HDAC9: variants seen among roughly 807,000 people sequenced by gnomAD.
HDAC9 encodes histone deacetylase 9, also known as MEF-2 interacting transcription repressor (MITR) protein.
In HDAC9, 41 loss-of-function variants were observed where a neutral mutation model predicts 139.4. The ratio of observed to expected loss-of-function variants is 0.29; its 90% CI spans 0.23 to 0.38. The LOEUF is 0.38. HDAC9 is among the 10% of genes least tolerant of loss of function. The pLI is 1.00. For synonymous variants in HDAC9, 517 were observed against 476.2 expected (o/e 1.09, Z -1.12); for missense variants, 1,147 against 1,297.0 (o/e 0.88, Z 1.78).
At chr7:18,440,615 C>G (rs1248470885) in intron 1 of HDAC9, among the ~76,000 whole-genome samples, 1 of 151,984 alleles carries the variant, frequency 6.6e-6, no homozygotes, top group Non-Finnish European at 1.5e-5. Flanking sequence ...TTCTTGTTTC[C>G]CTTTTCTATT....
chr7:18,335,581 A>G (rs1781524964), intron 1 of HDAC9, among the ~76,000 whole-genome samples: 1 of 151,698 alleles, frequency 6.6e-6, no homozygotes, highest in East Asian at 1.9e-4. Context: ...GAATTAGATA[A>G]CTTTAATTTT....
chr7:18,801,545 T>G (rs1793287658), intron 17 of HDAC9, among the ~76,000 whole-genome samples: 1 of 152,114 alleles, frequency 6.6e-6, no homozygotes, highest in South Asian at 2.1e-4. Context: ...GAAATTGGTC[T>G]GTAATTCTTA....
At chr7:18,269,462 C>G (rs557047164) in intron 2 of HDAC9, among the ~76,000 whole-genome samples, 1 of 152,166 alleles carries the variant, frequency 6.6e-6, no homozygotes, top group Non-Finnish European at 1.5e-5. Context: ...AGGAACTACA[C>G]TGAATTGGGC....
intron 24 of HDAC9, among the ~76,000 whole-genome samples, chr7:18,958,054 T>G (rs1027017666): frequency 2.0e-5 from 3 of 152,034 alleles, no homozygotes; most frequent in African/African-American, 7.2e-5. Flanking sequence ...GTGCTGGAGG[T>G]GCGTTGGCTC....
At chr7:18,732,647 GTA>G (rs148206017) in intron 13 of HDAC9, among the ~76,000 whole-genome samples, 47 of 81,912 alleles carry the variant, frequency 5.7e-4, no homozygotes, top group Non-Finnish European at 9.1e-4. Flanking sequence ...GTGCATATGT[GTA>G]TATATACACA....
At chr7:18,666,179 A>C (rs776176928) in intron 11 of HDAC9, 34 bp from the exon 12 acceptor site, 1 of 1,556,486 alleles carries the variant, frequency 6.4e-7, no homozygotes, top group African/African-American at 1.4e-5. Context: ...ATGAAGAACT[A>C]CTGAATTTTG....
intron 2 of HDAC9, among the ~76,000 whole-genome samples, chr7:18,175,099 T>C (rs1182746): frequency 0.43 from 66,013 of 152,076 alleles, 16,585 homozygotes; most frequent in African/African-American, 0.7. Flanking sequence ...TGCTGAGCTG[T>C]GGTGGGCTCC....
At chr7:18,776,351 T>C (rs1790767927) in intron 16 of HDAC9, among the ~76,000 whole-genome samples, 2 of 152,088 alleles carry the variant, frequency 1.3e-5, no homozygotes, top group East Asian at 1.9e-4. Flanking sequence ...GTGCAGACTA[T>C]TCTCTGTGCT....
rs1054368163 is a variant in HDAC9 at position 18,713,468 on chromosome 7, C to T, written c.1732-14112C>T. Reference sequence around the variant, plus strand: ...TGTTAATTAGATTGATTTAGCTATTCCGCAATGTATACACAGATCAAACAT... The same window carrying T: ...TGTTAATTAGATTGATTTAGCTATTTCGCAATGTATACACAGATCAAACAT... On this transcript the variant is annotated intron_variant, in intron 12 of 25. Coordinates refer to ENST00000686413, the MANE Select transcript of HDAC9 (RefSeq NM_178425.4). 4.6e-5 allele frequency among the ~76,000 whole-genome samples: 7 copies of T among 152,026 alleles called. 1 individual carries two copies. The highest frequency in any genetic ancestry group is 5.9e-5 in the Non-Finnish European group (4 of 67,974).
At chr7:18,964,737 G>A (rs189834087) in intron 24 of HDAC9, among the ~76,000 whole-genome samples, 2 of 152,298 alleles carry the variant, frequency 1.3e-5, no homozygotes, top group African/African-American at 4.8e-5. Flanking sequence ...AGGAGGAACT[G>A]TCAGAGACAT....
chr7:18,320,279 T>C (rs1799937029), intron 1 of HDAC9, among the ~76,000 whole-genome samples: 2 of 152,220 alleles, frequency 1.3e-5, no homozygotes, highest in African/African-American at 2.4e-5. Context: ...TACTCTGTGG[T>C]TGATTTCTCA....
chr7:18,755,719 G>A (rs1562916833), intron 14 of HDAC9, among the ~76,000 whole-genome samples: 1 of 152,020 alleles, frequency 6.6e-6, no homozygotes, highest in Non-Finnish European at 1.5e-5. Flanking sequence ...AAAAAATAGA[G>A]AGTATATATG....
intron 24 of HDAC9, among the ~76,000 whole-genome samples, chr7:18,967,277 A>T (rs1490377017): frequency 2.6e-5 from 4 of 152,246 alleles, no homozygotes; most frequent in African/African-American, 9.6e-5. Flanking sequence ...AATGACTACG[A>T]TTAAAAATTT....
intron 1 of HDAC9, among the ~76,000 whole-genome samples, chr7:18,135,919 A>G (rs1785378685): frequency 8.2e-6 from 1 of 121,502 alleles, no homozygotes; most frequent in Non-Finnish European, 1.6e-5. Flanking sequence ...AGTCCCACCA[A>G]CAGTGTAAAA....
intron 1 of HDAC9, among the ~76,000 whole-genome samples, chr7:18,386,491 C>G (rs549588313): frequency 6.6e-6 from 1 of 152,246 alleles, no homozygotes; most frequent in East Asian, 1.9e-4. Context: ...ATGCATGTTA[C>G]TTAATACCTT....
At chr7:18,681,791 C>T (rs1781907637) in intron 12 of HDAC9, among the ~76,000 whole-genome samples, 1 of 152,034 alleles carries the variant, frequency 6.6e-6, no homozygotes, top group Non-Finnish European at 1.5e-5. Flanking sequence ...ATATGAGCTA[C>T]TGTCCCAGGT....
Position 18,590,499 on chromosome 7 carries a change from A to G in HDAC9, c.415+13A>G, listed in dbSNP as rs571829263. Reference sequence around the variant, plus strand: ...AGAGGACGAGAAAGTAAGAGGCACCAGGGTAAACGATGGACTCTCTTTCCT... The same window carrying G: ...AGAGGACGAGAAAGTAAGAGGCACCGGGGTAAACGATGGACTCTCTTTCCT... On this transcript the variant is annotated intron_variant, in intron 4 of 25. Transcript: ENST00000686413. 2.5e-5 allele frequency: 39 copies of G among 1,585,820 alleles called. No individual in the cohort carries two copies. Among genetic ancestry groups the G allele is most frequent in the Non-Finnish European group, 3.2e-5 (37 of 1,165,852 alleles).
At chr7:18,096,540 G>A (rs1007422368) in intron 1 of HDAC9, among the ~76,000 whole-genome samples, 1 of 152,172 alleles carries the variant, frequency 6.6e-6, no homozygotes, top group African/African-American at 2.4e-5. Context: ...ATGGACCTCA[G>A]TTTGAAATAC....
At chr7:18,714,170 A>C (rs1784540694) in intron 12 of HDAC9, among the ~76,000 whole-genome samples, 1 of 152,210 alleles carries the variant, frequency 6.6e-6, no homozygotes, top group South Asian at 2.1e-4. Flanking sequence ...AGTACAAACC[A>C]AGGAGTTTGT....
Sources: gnomAD v4.1 joint callset for allele counts (sites outside exome capture counted in the v4.1 genomes callset) on GRCh38, gnomAD v4.1.1 for gene constraint, MANE v1.5 for transcripts, NCBI Gene and HGNC (gene_info 2026-07-23, HGNC 2026-07-21) for gene names.